ST3GAL3: variants seen among roughly 807,000 people sequenced by gnomAD.
ST3GAL3 encodes ST3 beta-galactoside alpha-2,3-sialyltransferase 3.
A neutral mutation model predicts 50.1 loss-of-function variants in ST3GAL3; 21 were observed. That is an observed-to-expected ratio of 0.42 (90% CI 0.30 to 0.60). ST3GAL3 has a LOEUF of 0.60. Among genes scored for constraint, ST3GAL3 ranks in the 20% least tolerant of loss-of-function variants. ST3GAL3 has a pLI of 0.19. For synonymous variants in ST3GAL3, 183 were observed against 190.0 expected (o/e 0.96, Z 0.30); for missense variants, 353 against 489.4 (o/e 0.72, Z 2.63).
At chr1:43,744,902 A>T (rs1353634634) in intron 2 of ST3GAL3, among the ~76,000 whole-genome samples, 1 of 151,604 alleles carries the variant, frequency 6.6e-6, no homozygotes, top group Non-Finnish European at 1.5e-5. Flanking sequence ...GAGGCCTGAG[A>T]ATCGCTTGAA....
chr1:43,735,413 A>G (rs1425397788), intron 1 of ST3GAL3, among the ~76,000 whole-genome samples: 1 of 152,200 alleles, frequency 6.6e-6, no homozygotes, highest in East Asian at 1.9e-4. Flanking sequence ...CGGAGGGGGA[A>G]TTTGGAGAGA....
chr1:43,710,589 T>C (rs780398506), intron 1 of ST3GAL3, among the ~76,000 whole-genome samples: 1 of 152,354 alleles, frequency 6.6e-6, no homozygotes, highest in South Asian at 2.1e-4. Flanking sequence ...CAGCCTGGCA[T>C]GGGCAATATG....
At chr1:43,882,210 C>G (rs981317353) in intron 5 of ST3GAL3, among the ~76,000 whole-genome samples, 3 of 152,132 alleles carry the variant, frequency 2.0e-5, no homozygotes, top group African/African-American at 7.2e-5. Context: ...AGCAGAAGTT[C>G]AGCATGTGAA....
At chr1:43,836,162 T>C (rs1198184391) in intron 4 of ST3GAL3, among the ~76,000 whole-genome samples, 1 of 152,266 alleles carries the variant, frequency 6.6e-6, no homozygotes, top group Non-Finnish European at 1.5e-5. Context: ...TAGAACGTTT[T>C]TGTCACTGTG....
At chr1:43,885,547 C>T (rs942625222) in intron 5 of ST3GAL3, among the ~76,000 whole-genome samples, 26 of 152,170 alleles carry the variant, frequency 1.7e-4, no homozygotes, top group Non-Finnish European at 2.5e-4. Flanking sequence ...CCCACACCCC[C>T]GCTAGTCTGA....
intron 1 of ST3GAL3, among the ~76,000 whole-genome samples, chr1:43,728,574 G>A (rs1288657656): frequency 3.3e-5 from 5 of 152,044 alleles, no homozygotes; most frequent in Admixed American, 3.3e-4. Context: ...GCAAGACCCT[G>A]TTGCCACAAA....
At position 43,899,274 on chromosome 1, in the gene ST3GAL3, CA is replaced by C; in HGVS notation, c.557+15del. The C allele has an allele frequency of 6.2e-7, 1 of 1,614,166 alleles. No homozygotes were observed. Among genetic ancestry groups the C allele is most frequent in the Non-Finnish European group, 8.5e-7 (1 of 1,180,024 alleles). ...TGACATTGTGGTGAGGTGAGCTCCC[CA>C]AAATGGCACCTCGGGTGAGTGTCGT... On this transcript the variant is annotated intron_variant, in intron 8 of 11. Transcript: ENST00000347631. This position sits in a 1 kb window ranked among gnomAD's most constrained non-coding sequence, Gnocchi z 5.4.
intron 11 of ST3GAL3, chr1:43,921,786 G>GT: frequency 2.5e-6 from 1 of 398,796 alleles, no homozygotes. Context: ...AGCCACAGAG[G>GT]GGACTCTGAT....
At chr1:43,862,634 G>T (rs1486720615) in intron 5 of ST3GAL3, among the ~76,000 whole-genome samples, 1 of 151,724 alleles carries the variant, frequency 6.6e-6, no homozygotes, top group Admixed American at 6.6e-5. Context: ...AGAGCCAGGC[G>T]CAGTGGCTCA....
At chr1:43,785,099 T>C (rs916853719) in intron 2 of ST3GAL3, among the ~76,000 whole-genome samples, 3 of 99,530 alleles carry the variant, frequency 3.0e-5, no homozygotes, top group East Asian at 3.2e-4. Context: ...AGGGAAGAAA[T>C]TGAGGGACTA....
chr1:43,727,035 A>T (rs1673252835), intron 1 of ST3GAL3, among the ~76,000 whole-genome samples: 1 of 151,988 alleles, frequency 6.6e-6, no homozygotes, highest in African/African-American at 2.4e-5. Context: ...CTGTCGTTTC[A>T]CTCTGAGAGC....
chr1:43,832,971 T>TG (rs1348789736), intron 4 of ST3GAL3, among the ~76,000 whole-genome samples: 1 of 152,218 alleles, frequency 6.6e-6, no homozygotes, highest in East Asian at 1.9e-4. Context: ...ATTAAGCTGC[T>TG]GGGTTGTTAG....
At chr1:43,858,038 G>A (rs758498224) in intron 5 of ST3GAL3, 123 of 896,380 alleles carry the variant, frequency 1.4e-4, no homozygotes, top group Admixed American at 6.0e-4. Flanking sequence ...GAGAAGTGTC[G>A]GACTACAGTG....
intron 11 of ST3GAL3, among the ~76,000 whole-genome samples, chr1:43,927,469 C>T (rs1316696956): frequency 6.6e-6 from 1 of 152,150 alleles, no homozygotes; most frequent in African/African-American, 2.4e-5. Context: ...ACCTTTTAAC[C>T]CTCAATGACT....
At chr1:43,927,849 G>A (rs2084279105) in intron 11 of ST3GAL3, among the ~76,000 whole-genome samples, 1 of 152,168 alleles carries the variant, frequency 6.6e-6, no homozygotes, top group African/African-American at 2.4e-5. Flanking sequence ...GGACAACGGG[G>A]TGTAAGGAAG....
chr1:43,833,543 A>C (rs919951795), intron 4 of ST3GAL3, among the ~76,000 whole-genome samples: 1 of 152,132 alleles, frequency 6.6e-6, no homozygotes, highest in Non-Finnish European at 1.5e-5. Flanking sequence ...AATTTTATAA[A>C]GTAAGTACTA....
intron 2 of ST3GAL3, among the ~76,000 whole-genome samples, chr1:43,782,856 A>T (rs772554524): frequency 2.0e-5 from 3 of 152,238 alleles, no homozygotes; most frequent in Non-Finnish European, 4.4e-5. Flanking sequence ...GTTTGGCAGT[A>T]AAATCTGACC....
At chr1:43,812,282 G>T (rs1350906234) in intron 3 of ST3GAL3, among the ~76,000 whole-genome samples, 1 of 152,098 alleles carries the variant, frequency 6.6e-6, no homozygotes, top group African/African-American at 2.4e-5. Context: ...CGGGGCCTGC[G>T]TTGCTGCCTG....
At chr1:43,904,523 G>A (rs917038838) in intron 9 of ST3GAL3, among the ~76,000 whole-genome samples, 7 of 152,078 alleles carry the variant, frequency 4.6e-5, no homozygotes, top group South Asian at 2.1e-4. Flanking sequence ...GAGATTTCAC[G>A]TCACTGCCTG....
Sources: gnomAD v4.1 joint callset for allele counts (sites outside exome capture counted in the v4.1 genomes callset) on GRCh38, gnomAD v4.1.1 for gene constraint, Gnocchi (gnomAD v3.1) non-coding constraint, MANE v1.5 for transcripts, NCBI Gene and HGNC (gene_info 2026-07-23, HGNC 2026-07-21) for gene names.